The following RBFOX3 variants were observed in gnomAD, a reference collection of about 807,000 sequenced individuals.
RBFOX3 encodes RNA binding protein fox-1 homolog 3.
In RBFOX3, 17 loss-of-function variants were observed where a neutral mutation model predicts 48.7. The observed-to-expected ratio is 0.35, with a 90% CI of 0.24 to 0.52. The LOEUF (loss-of-function observed/expected upper bound fraction) is 0.52, where lower values mean the gene tolerates loss of function less well. Ranked by LOEUF, RBFOX3 falls within the 20% of genes least tolerant of loss-of-function variation. The pLI is 0.94. For missense variants in RBFOX3, 382 were observed against 497.5 expected (o/e 0.77, Z 2.21); for synonymous variants, 212 against 209.5 (o/e 1.01, Z -0.10).
Position 79,284,191 on chromosome 17 carries a change from T to C in RBFOX3, c.-74+23533A>G, listed in dbSNP as rs577827797. Among the ~76,000 whole-genome samples, 404 of 152,280 alleles carry C rather than the reference T, an allele frequency of 2.7e-3. 2 individuals carry two copies. Among genetic ancestry groups the C allele is most frequent in the African/African-American group, 9.3e-3 (386 of 41,518 alleles). On this transcript the variant is annotated intron_variant, in intron 3 of 14. Coordinates refer to ENST00000693108, the MANE Select transcript of RBFOX3 (RefSeq NM_001350451.2). ...ATGGAGATGCCTTCTACAGGACAGT[T>C]GATTCTCATCTGGGCCATGTTTCCG...
chr17:79,542,681 G>A (rs371170679), intron 1 of RBFOX3, among the ~76,000 whole-genome samples: 18 of 152,328 alleles, frequency 1.2e-4, no homozygotes, highest in African/African-American at 4.3e-4. Flanking sequence ...CTACTCGGAG[G>A]CTGAGGCAAG....
intron 2 of RBFOX3, among the ~76,000 whole-genome samples, chr17:79,413,921 A>T (rs1430623696): frequency 2.7e-5 from 4 of 150,302 alleles, no homozygotes; most frequent in Admixed American, 6.6e-5. Flanking sequence ...GTGGTGCCCT[A>T]GGCAGGTGGC....
intron 2 of RBFOX3, among the ~76,000 whole-genome samples, chr17:79,312,368 C>G (rs1406994516): frequency 2.6e-5 from 4 of 151,496 alleles, no homozygotes; most frequent in Admixed American, 6.6e-5. Context: ...ACCCACCTTT[C>G]TAGGGTGCAG....
At chr17:79,615,971 C>CA (rs1390422619), upstream of RBFOX3, among the ~76,000 whole-genome samples, 7 of 152,302 alleles carry the variant, frequency 4.6e-5, no homozygotes, top group Admixed American at 2.6e-4. Flanking sequence ...ACAGAAAGGA[C>CA]ATCATGGCCC....
chr17:79,289,992 A>G (rs1250063192), intron 3 of RBFOX3, among the ~76,000 whole-genome samples: 1 of 152,174 alleles, frequency 6.6e-6, no homozygotes, highest in Non-Finnish European at 1.5e-5. Flanking sequence ...CACACCTCCA[A>G]CAGGTGAGTT....
At chr17:79,517,792 C>T (rs1255744789) in intron 1 of RBFOX3, among the ~76,000 whole-genome samples, 4 of 152,198 alleles carry the variant, frequency 2.6e-5, no homozygotes, top group Admixed American at 6.5e-5. Flanking sequence ...CAGGAAATTT[C>T]CGCTTCTGAG....
intron 4 of RBFOX3, among the ~76,000 whole-genome samples, chr17:79,139,368 T>C (rs2041426715): frequency 6.6e-6 from 1 of 152,188 alleles, no homozygotes. Context: ...CCACCTGTCA[T>C]CCAGATGACC....
At chr17:79,210,103 C>A (rs538020340) in intron 4 of RBFOX3, among the ~76,000 whole-genome samples, 2 of 152,262 alleles carry the variant, frequency 1.3e-5, no homozygotes, top group Admixed American at 6.5e-5. Context: ...TCAGCTTCTG[C>A]CCTGGCTAGA....
chr17:79,315,962 C>T (rs1234593492), intron 2 of RBFOX3, among the ~76,000 whole-genome samples: 1 of 152,158 alleles, frequency 6.6e-6, no homozygotes, highest in East Asian at 1.9e-4. Flanking sequence ...GGTCCGCCAG[C>T]AGCTCTGGGA....
chr17:79,506,973 C>A (rs1003648430), intron 1 of RBFOX3, among the ~76,000 whole-genome samples: 1 of 152,184 alleles, frequency 6.6e-6, no homozygotes. Flanking sequence ...TGGGTTGTTG[C>A]GGGCTGGCAA....
At chr17:79,373,679 G>A (rs181466927) in intron 2 of RBFOX3, among the ~76,000 whole-genome samples, 3 of 152,030 alleles carry the variant, frequency 2.0e-5, no homozygotes, top group Non-Finnish European at 4.4e-5. Flanking sequence ...AGTTCCACAC[G>A]GCTGCTTTCT....
chr17:79,194,625 AC>A lies in RBFOX3; in HGVS notation c.-34+41140del, dbSNP rs1018809448. On this transcript the variant is annotated intron_variant, in intron 4 of 14. Transcript: ENST00000693108. ...AGTCTGTCTCAAAAGAAAAAAAAAAACTGCTTCCTGGTTCTTCAAGAGTTTT... is the reference window on the plus strand; with the variant it reads ...AGTCTGTCTCAAAAGAAAAAAAAAAATGCTTCCTGGTTCTTCAAGAGTTTT... Among the ~76,000 whole-genome samples the A allele has an allele frequency of 1.0e-4, 15 of 145,202 alleles. No individual in the cohort carries two copies. In the Admixed American group the frequency reaches 1.0e-3, roughly 10 times the overall value.
At chr17:79,354,032 G>A (rs2084481271) in intron 2 of RBFOX3, among the ~76,000 whole-genome samples, 1 of 152,180 alleles carries the variant, frequency 6.6e-6, no homozygotes, top group African/African-American at 2.4e-5. Flanking sequence ...TACACTCATA[G>A]TGGGATGGAT....
At chr17:79,576,485 G>A (rs969467372) in intron 1 of RBFOX3, among the ~76,000 whole-genome samples, 1 of 152,150 alleles carries the variant, frequency 6.6e-6, no homozygotes, top group Non-Finnish European at 1.5e-5. Context: ...ACAACATGGA[G>A]AAGATGGAGA....
chr17:79,463,337 A>ACCATCGCCACCTCCACCG (rs2075747118), intron 2 of RBFOX3, among the ~76,000 whole-genome samples: 2 of 37,680 alleles, frequency 5.3e-5, no homozygotes, highest in Non-Finnish European at 1.1e-4. Context: ...CACCTCCACC[A>ACCATCGCCACCTCCACCG]CCATCGCCAC....
At chr17:79,383,180 T>C (rs2060151235) in intron 2 of RBFOX3, among the ~76,000 whole-genome samples, 1 of 152,154 alleles carries the variant, frequency 6.6e-6, no homozygotes. Flanking sequence ...AAGGGGTGTA[T>C]CCATAGACCA....
chr17:79,512,476 T>C (rs2084480157), intron 1 of RBFOX3, among the ~76,000 whole-genome samples: 1 of 142,552 alleles, frequency 7.0e-6, no homozygotes, highest in Non-Finnish European at 1.5e-5. Flanking sequence ...TACACCCGGA[T>C]ACATATTACC....
chr17:79,560,945 C>A (rs1370880916), intron 1 of RBFOX3, among the ~76,000 whole-genome samples: 3 of 152,112 alleles, frequency 2.0e-5, no homozygotes, highest in Non-Finnish European at 4.4e-5. Context: ...TCCAAGACCA[C>A]GTGTGTAATA....
rs112754954 is a variant in RBFOX3, at chr17:79,485,918, C to T, written c.-319-3320G>A. 7.8e-3 allele frequency among the ~76,000 whole-genome samples: 1,181 copies of T among 152,354 alleles called. 9 individuals carry two copies. The highest frequency in any genetic ancestry group is 0.027 in the African/African-American group (1,118 of 41,590). On this transcript the variant is annotated intron_variant, in intron 1 of 14. Coordinates refer to ENST00000693108, the MANE Select transcript of RBFOX3 (RefSeq NM_001350451.2). ...TGGGAGATAACTTAACAGCTTGTCC[C>T]CGATTGTAATGGCATGTTTTTCCCC...
Sources: gnomAD v4.1 joint callset for allele counts (sites outside exome capture counted in the v4.1 genomes callset) on GRCh38, gnomAD v4.1.1 for gene constraint, MANE v1.5 for transcripts, NCBI Gene and HGNC (gene_info 2026-07-23, HGNC 2026-07-21) for gene names.